Variants in ANXA4 observed in about 807,000 individuals in gnomAD.
ANXA4 encodes the protein 35-beta calcimedin.
Under a neutral mutation model 49.8 loss-of-function variants are expected in ANXA4, and 39 were observed. The observed-to-expected ratio is 0.78, with a 90% CI of 0.61 to 1.02. The LOEUF is 1.02. Ranked by LOEUF, ANXA4 falls within the 50% of genes least tolerant of loss-of-function variation. ANXA4 has a pLI of 0.00. For synonymous variants in ANXA4, 134 were observed against 152.5 expected, an observed-to-expected ratio of 0.88 and a Z score of 0.89; for missense variants, 360 against 410.1, an observed-to-expected ratio of 0.88 and a Z score of 1.05.
intron 2 of ANXA4, among the ~76,000 whole-genome samples, chr2:69,658,762 T>G (rs1393056171): frequency 1.3e-5 from 2 of 152,162 alleles, no homozygotes; most frequent in African/African-American, 4.8e-5. Context: ...TGGCACCATC[T>G]CAGCTCACTG....
At chr2:69,699,809 G>T (rs1268221149) in intron 2 of ANXA4, among the ~76,000 whole-genome samples, 1 of 152,198 alleles carries the variant, frequency 6.6e-6, no homozygotes, top group Non-Finnish European at 1.5e-5. Flanking sequence ...GGCTTTCAAG[G>T]GAAGAGGGTC....
At position 69,806,490 on chromosome 2, in the gene ANXA4, G is replaced by A. The variant is rs1673448592; in HGVS notation, c.298G>A (p.Ala100Thr). 4 of 1,613,542 alleles carry A rather than the reference G, an allele frequency of 2.5e-6. No homozygotes were observed. The highest frequency in any genetic ancestry group is 2.5e-6 in the Non-Finnish European group (3 of 1,179,582). Residue 100 changes from alanine (A) to threonine (T), a missense_variant, in exon 5 of 13, where the codon GCC becomes ACC. Physicochemically the swap from Ala to Thr is moderately conservative, Grantham distance 58. Coordinates refer to ENST00000394295, the MANE Select transcript of ANXA4 (RefSeq NM_001153.5). ...GTATGACGTGCAAGAGCTGCGAAGG[G>A]CCATGAAGGTCTGTGCTCTTCCTCT... is the stretch of plus-strand genomic sequence containing the variant. ...VLYDVQELRR[A>T]MKGAGTDEGC... is the part of the protein sequence containing the mutation.
intron 2 of ANXA4, among the ~76,000 whole-genome samples, chr2:69,669,331 C>T (rs1677068916): frequency 1.3e-5 from 2 of 151,538 alleles, no homozygotes; most frequent in South Asian, 2.1e-4. Flanking sequence ...ATCATAAGGC[C>T]GGGCGCAGTG....
At chr2:69,678,848 GA>G (rs1677499967) in intron 2 of ANXA4, among the ~76,000 whole-genome samples, 1 of 152,110 alleles carries the variant, frequency 6.6e-6, no homozygotes, top group African/African-American at 2.4e-5. Flanking sequence ...TACTGTTGGT[GA>G]AAAAGTTGTC....
intron 3 of ANXA4, among the ~76,000 whole-genome samples, chr2:69,729,977 C>G (rs767960000): frequency 6.6e-6 from 1 of 152,222 alleles, no homozygotes; most frequent in Non-Finnish European, 1.5e-5. Flanking sequence ...GGAGCTGCCT[C>G]TTCCTGAGAT....
chr2:69,695,462 GA>G (rs1678130613), intron 2 of ANXA4, among the ~76,000 whole-genome samples: 1 of 152,182 alleles, frequency 6.6e-6, no homozygotes, highest in Non-Finnish European at 1.5e-5. Flanking sequence ...AGATGAGGGA[GA>G]AAAAAGAAGT....
chr2:69,673,488 C>T (rs1677270104), intron 2 of ANXA4, among the ~76,000 whole-genome samples: 1 of 120,744 alleles, frequency 8.3e-6, no homozygotes, highest in Admixed American at 9.9e-5. Flanking sequence ...GAACATCACA[C>T]GCTGGGGTTG....
chr2:69,690,198 CAA>C (rs1207852094), intron 2 of ANXA4, among the ~76,000 whole-genome samples: 1 of 152,068 alleles, frequency 6.6e-6, no homozygotes, highest in Non-Finnish European at 1.5e-5. Flanking sequence ...AGGTGTCTCT[CAA>C]AATTTGTCCT....
At chr2:69,712,902 A>G (rs1678720154) in intron 2 of ANXA4, among the ~76,000 whole-genome samples, 1 of 152,206 alleles carries the variant, frequency 6.6e-6, no homozygotes, top group Non-Finnish European at 1.5e-5. Flanking sequence ...CCATTCATTC[A>G]TTGCAGTGGC....
intron 3 of ANXA4, among the ~76,000 whole-genome samples, chr2:69,736,648 C>T (rs1670253488): frequency 6.6e-6 from 1 of 152,118 alleles, no homozygotes; most frequent in African/African-American, 2.4e-5. Context: ...AAAGCTTTCA[C>T]CATCTGAAAA....
chr2:69,801,871 A>G (rs767953399), intron 3 of ANXA4, among the ~76,000 whole-genome samples: 1 of 152,246 alleles, frequency 6.6e-6, no homozygotes, highest in Non-Finnish European at 1.5e-5. Flanking sequence ...ACATGCGGGA[A>G]TGACCCACAG....
At chr2:69,682,654 A>T (rs893806276) in intron 2 of ANXA4, among the ~76,000 whole-genome samples, 2 of 152,206 alleles carry the variant, frequency 1.3e-5, no homozygotes, top group Non-Finnish European at 2.9e-5. Context: ...GTATATGAAA[A>T]TATGAAATAA....
chr2:69,663,857 C>G (rs1676834992), intron 2 of ANXA4, among the ~76,000 whole-genome samples: 1 of 152,068 alleles, frequency 6.6e-6, no homozygotes, highest in Admixed American at 6.6e-5. Context: ...GATTAGAAAG[C>G]CAGCCCTGGA....
chr2:69,721,555 A>G (rs536327457), intron 3 of ANXA4, among the ~76,000 whole-genome samples: 1 of 152,246 alleles, frequency 6.6e-6, no homozygotes, highest in East Asian at 1.9e-4. Flanking sequence ...TGAAAAGTTA[A>G]CCAGGCACGG....
At chr2:69,729,752 A>T (rs1170313637) in intron 3 of ANXA4, among the ~76,000 whole-genome samples, 1 of 150,378 alleles carries the variant, frequency 6.6e-6, no homozygotes, top group African/African-American at 2.5e-5. Context: ...TTACAGTGAC[A>T]TTTTCATCAT....
intron 7 of ANXA4, chr2:69,811,015 G>C (rs965168378): frequency 2.0e-5 from 4 of 197,796 alleles, no homozygotes; most frequent in African/African-American, 6.9e-5. Flanking sequence ...TTGCTAGAAG[G>C]CATGAAAAGA....
intron 1 of ANXA4, among the ~76,000 whole-genome samples, chr2:69,762,874 C>CACACACTCAT (rs1412397273): frequency 5.9e-5 from 9 of 152,114 alleles, no homozygotes; most frequent in African/African-American, 2.2e-4. Context: ...CACACACTCA[C>CACACACTCAT]ACACACTCAT....
At chr2:69,782,233 G>A (rs1156736205) in intron 2 of ANXA4, among the ~76,000 whole-genome samples, 1 of 152,136 alleles carries the variant, frequency 6.6e-6, no homozygotes, top group Non-Finnish European at 1.5e-5. Flanking sequence ...GTCTTCTGGA[G>A]GAAGCAATAA....
chr2:69,807,503 C>T (rs1407023438), intron 5 of ANXA4, among the ~76,000 whole-genome samples: 2 of 152,140 alleles, frequency 1.3e-5, no homozygotes, highest in African/African-American at 2.4e-5. Context: ...CAATTATCCT[C>T]CTCAACCATG....
Sources: gnomAD v4.1 joint callset for allele counts (sites outside exome capture counted in the v4.1 genomes callset) on GRCh38, gnomAD v4.1.1 for gene constraint, MANE v1.5 for transcripts, NCBI Gene and HGNC (gene_info 2026-07-23, HGNC 2026-07-21) for gene names.